PLEKHA5: variants seen among roughly 807,000 people sequenced by gnomAD.
PLEKHA5 encodes pleckstrin homology domain containing A5.
A neutral mutation model predicts 181.9 loss-of-function variants in PLEKHA5; 55 were observed. The observed-to-expected ratio is 0.30, with a 90% CI of 0.24 to 0.38. The LOEUF is 0.38. Among genes scored for constraint, PLEKHA5 ranks in the 10% least tolerant of loss-of-function variants. PLEKHA5 has a pLI of 1.00. For missense variants in PLEKHA5, 1,432 were observed against 1,549.5 expected (o/e 0.92, Z 1.27); for synonymous variants, 535 against 529.4 (o/e 1.01, Z -0.15).
At chr12:19,191,966 G>C (rs1349769701) in intron 3 of PLEKHA5, among the ~76,000 whole-genome samples, 1 of 152,062 alleles carries the variant, frequency 6.6e-6, no homozygotes, top group Non-Finnish European at 1.5e-5. Flanking sequence ...TGGTGAAAAA[G>C]GCCAGCCTTG....
intron 3 of PLEKHA5, among the ~76,000 whole-genome samples, chr12:19,230,162 G>A (rs2060278922): frequency 2.0e-5 from 3 of 151,862 alleles, no homozygotes; most frequent in Non-Finnish European, 2.9e-5. Context: ...CACCAGATTA[G>A]CTAAGATACA....
chr12:19,347,019 C>G lies in PLEKHA5; in HGVS notation c.2735C>G (p.Pro912Arg). 6.5e-7 allele frequency: 1 copy of G among 1,549,838 alleles called. No individual in the cohort carries two copies. The highest frequency in any genetic ancestry group is 8.7e-7 in the Non-Finnish European group (1 of 1,145,912). The change falls in exon 24 of 32, where the codon CCT (proline) becomes CGT (arginine). Residue 912 changes from proline to arginine, a missense_variant. By Grantham distance (103) the Pro-to-Arg change is moderately radical. Transcript: ENST00000429027. ...NEEEEVVPPR[P>R]PLPRSYDFTE... is the part of the protein sequence containing the mutation. ...GAAGAGGAAGTAGTCCCACCTCGTCCTCCACTTCCTCGGTCCTATGACTTT... is the reference window on the plus strand; with the variant it reads ...GAAGAGGAAGTAGTCCCACCTCGTCGTCCACTTCCTCGGTCCTATGACTTT...
chr12:19,160,030 T>A (rs1464683021), intron 3 of PLEKHA5, among the ~76,000 whole-genome samples: 1 of 152,152 alleles, frequency 6.6e-6, no homozygotes, highest in Non-Finnish European at 1.5e-5. Flanking sequence ...ATTTATTTGT[T>A]GATGGGCCCC....
intron 15 of PLEKHA5, among the ~76,000 whole-genome samples, chr12:19,299,002 C>T (rs1032650737): frequency 6.6e-6 from 1 of 152,186 alleles, no homozygotes; most frequent in East Asian, 1.9e-4. Flanking sequence ...GTCTGGCTGA[C>T]TGATGAAGAA....
At chr12:19,264,720 C>T (rs1229178256) in intron 7 of PLEKHA5, among the ~76,000 whole-genome samples, 1 of 152,052 alleles carries the variant, frequency 6.6e-6, no homozygotes, top group Non-Finnish European at 1.5e-5. Flanking sequence ...GGATGTTTCA[C>T]CAGATACTCT....
chr12:19,131,608 A>T (rs189286194), intron 2 of PLEKHA5, among the ~76,000 whole-genome samples: 40 of 152,258 alleles, frequency 2.6e-4, no homozygotes, highest in African/African-American at 8.4e-4. Flanking sequence ...TAAGTGTCCT[A>T]GTTAACCCCA....
intron 8 of PLEKHA5, 146 bp downstream of exon 8, chr12:19,265,996 G>C (rs962130738): frequency 2.2e-6 from 1 of 445,294 alleles, no homozygotes; most frequent in African/African-American, 2.0e-5. Context: ...TGGTTGTATA[G>C]AAGAATGTCC....
chr12:19,136,796 GA>G (rs2035786027), intron 3 of PLEKHA5, among the ~76,000 whole-genome samples: 1 of 152,044 alleles, frequency 6.6e-6, no homozygotes, highest in African/African-American at 2.4e-5. Context: ...TCTAAGTTCT[GA>G]AAATTGAACT....
At chr12:19,173,448 G>T (rs2046459426) in intron 3 of PLEKHA5, among the ~76,000 whole-genome samples, 2 of 87,014 alleles carry the variant, frequency 2.3e-5, no homozygotes, top group African/African-American at 3.6e-5. Context: ...GAATAGTAAA[G>T]AAAGGATTCT....
intron 3 of PLEKHA5, among the ~76,000 whole-genome samples, chr12:19,196,346 A>G (rs1052520458): frequency 1.3e-5 from 2 of 152,222 alleles, no homozygotes; most frequent in African/African-American, 2.4e-5. Context: ...ATATTGTTAA[A>G]TGCATATAGT....
At chr12:19,214,026 A>C (rs2057468887) in intron 3 of PLEKHA5, among the ~76,000 whole-genome samples, 2 of 152,214 alleles carry the variant, frequency 1.3e-5, no homozygotes, top group African/African-American at 4.8e-5. Flanking sequence ...GGTTTAGTTA[A>C]AACATCAATA....
chr12:19,328,237 A>G (rs1181955605), intron 20 of PLEKHA5, among the ~76,000 whole-genome samples: 3 of 152,116 alleles, frequency 2.0e-5, no homozygotes, highest in African/African-American at 4.8e-5. Flanking sequence ...GTAGCCTTAT[A>G]GTATAGTTTG....
At chr12:19,291,872 G>C (rs1045053874) in intron 15 of PLEKHA5, among the ~76,000 whole-genome samples, 175 bp downstream of exon 15, 1 of 152,140 alleles carries the variant, frequency 6.6e-6, no homozygotes, top group African/African-American at 2.4e-5. Flanking sequence ...TAATAAACAG[G>C]GAGAAAGGAC....
chr12:19,244,786 A>G (rs1316272826), intron 3 of PLEKHA5, among the ~76,000 whole-genome samples: 1 of 152,202 alleles, frequency 6.6e-6, no homozygotes, highest in Non-Finnish European at 1.5e-5. Context: ...GGTTACATAT[A>G]TGAAACACTG....
intron 3 of PLEKHA5, among the ~76,000 whole-genome samples, chr12:19,220,645 G>C (rs2058803486): frequency 6.6e-6 from 1 of 152,010 alleles, no homozygotes; most frequent in African/African-American, 2.4e-5. Context: ...CATTTTTTGT[G>C]CTGCTTTTAA....
intron 3 of PLEKHA5, among the ~76,000 whole-genome samples, chr12:19,250,922 A>G (rs2065110952): frequency 1.3e-5 from 2 of 152,334 alleles, no homozygotes; most frequent in East Asian, 1.9e-4. Flanking sequence ...CTAGGAGCAC[A>G]CTACACAAAA....
intron 31 of PLEKHA5, among the ~76,000 whole-genome samples, chr12:19,375,232 G>A (rs995121630): frequency 6.6e-6 from 1 of 152,008 alleles, no homozygotes; most frequent in African/African-American, 2.4e-5. Context: ...ACTGAGGCAG[G>A]AGAATCGCTT....
intron 3 of PLEKHA5, among the ~76,000 whole-genome samples, chr12:19,215,931 GT>G (rs748669908): frequency 6.6e-6 from 1 of 152,028 alleles, no homozygotes; most frequent in Admixed American, 6.6e-5. Flanking sequence ...TATTTTTATT[GT>G]TTTTTTCTAG....
At chr12:19,274,333 T>G (rs1340229432) in intron 10 of PLEKHA5, among the ~76,000 whole-genome samples, 183 bp from the exon 11 acceptor site, 1 of 152,242 alleles carries the variant, frequency 6.6e-6, no homozygotes, top group Non-Finnish European at 1.5e-5. Flanking sequence ...GTTTATACAT[T>G]CTGGTGTTGT....
Sources: allele counts gnomAD v4.1 joint callset (sites outside exome capture counted in the v4.1 genomes callset), GRCh38; gene constraint gnomAD v4.1.1; transcripts MANE v1.5; gene names NCBI Gene and HGNC (gene_info 2026-07-23, HGNC 2026-07-21).